PCDHGB1: variants seen among roughly 807,000 people sequenced by gnomAD.
PCDHGB1 encodes protocadherin gamma subfamily B, 1.
PCDHGB1 carries 34 observed loss-of-function variants against 56.6 expected under a neutral mutation model. That is an observed-to-expected ratio of 0.60 (90% CI 0.46 to 0.80). PCDHGB1 has a LOEUF of 0.80. Among genes scored for constraint, PCDHGB1 ranks in the 30% least tolerant of loss-of-function variants. The pLI, the probability that PCDHGB1 is intolerant of heterozygous loss-of-function variation, is 0.00. For missense variants in PCDHGB1, 1,278 were observed against 1,204.6 expected (o/e 1.06, Z -0.90); for synonymous variants, 561 against 505.9 (o/e 1.11, Z -1.46).
chr5:141,465,881 G>T (rs1000308014), intron 1 of PCDHGB1, among the ~76,000 whole-genome samples: 1 of 151,960 alleles, frequency 6.6e-6, no homozygotes, highest in African/African-American at 2.4e-5. Flanking sequence ...CCAGCACTTT[G>T]GGAGGCCGAG....
intron 1 of PCDHGB1, chr5:141,411,313 T>C (rs970801897): frequency 6.6e-5 from 10 of 152,224 alleles, no homozygotes; most frequent in African/African-American, 2.4e-4. Context: ...CTCACACCTA[T>C]AATCACAGCA....
intron 1 of PCDHGB1, chr5:141,398,072 G>T: frequency 1.9e-6 from 3 of 1,588,646 alleles, no homozygotes; most frequent in Non-Finnish European, 2.6e-6. Context: ...CAATACAGAG[G>T]TTATTTGTAA....
intron 1 of PCDHGB1, chr5:141,374,740 C>A (rs1337639511): frequency 6.2e-7 from 1 of 1,611,592 alleles, no homozygotes; most frequent in Admixed American, 1.7e-5. Context: ...ATGGCGGCGA[C>A]CCTGTCCGCT....
intron 1 of PCDHGB1, chr5:141,418,454 ACTCTG>A (rs2096260396): frequency 3.1e-6 from 5 of 1,613,892 alleles, no homozygotes; most frequent in Non-Finnish European, 4.2e-6. Context: ...ATTGCAGAAG[ACTCTG>A]GACCGAGAAA....
At chr5:141,475,884 G>C (rs998700290) in intron 1 of PCDHGB1, 1 of 557,810 alleles carries the variant, frequency 1.8e-6, no homozygotes, top group Non-Finnish European at 3.2e-6. Flanking sequence ...TATTGGCTGG[G>C]ACTCTGTGTG....
chr5:141,362,634 T>G, intron 1 of PCDHGB1: 1 of 1,484,528 alleles, frequency 6.7e-7, no homozygotes, highest in East Asian at 2.4e-5. Context: ...ACTGCGTATT[T>G]CTTTGTCTGT....
At chr5:141,389,806 T>C in intron 1 of PCDHGB1, 3 of 1,613,810 alleles carry the variant, frequency 1.9e-6, no homozygotes, top group Non-Finnish European at 2.5e-6. Flanking sequence ...CAGCGCCTTC[T>C]GGTCGCCGTG....
intron 1 of PCDHGB1, chr5:141,410,094 C>G: frequency 6.2e-7 from 1 of 1,612,646 alleles, no homozygotes; most frequent in Non-Finnish European, 8.5e-7. Context: ...ACGGCTCGAG[C>G]CTTAGGCGAC....
In PCDHGB1 at chr5:141,511,502, A is replaced by G. The variant is rs953158220; in HGVS notation, c.*329A>G. ...CTGAACTCCTCCATCTTCCAAATCAATCAGGCCCATCCATCCCATGCCTCC... is the reference window on the plus strand; with the variant it reads ...CTGAACTCCTCCATCTTCCAAATCAGTCAGGCCCATCCATCCCATGCCTCC... On this transcript the variant is annotated 3_prime_UTR_variant, in exon 4 of 4. Transcript: ENST00000523390. The G allele has an allele frequency of 1.3e-5, 5 of 395,150 alleles. No homozygotes were observed. Among genetic ancestry groups the G allele is most frequent in the African/African-American group, 1.0e-4 (5 of 48,770 alleles). The allele number at this position is 395,150 out of a possible 1,614,324, so 24.5% of individuals were successfully genotyped here.
rs1485681008 is a variant in PCDHGB1, at chr5:141,351,553, G to C, written c.1293G>C (p.Arg431Ser). Residue 431 changes from arginine to serine, a missense_variant, in exon 1 of 4, where the codon AGG becomes AGC. Transcript: ENST00000523390. ...AGGGCAAACCAGCCCTTTCCTCCAG[G>C]ACAAGCATCACCCTGCACATCTCCG... Reference protein sequence around the residue: ...TDKGKPALSSRTSITLHISDI... With the variant: ...TDKGKPALSSSTSITLHISDI... 6.2e-7 allele frequency: 1 copy of C among 1,613,972 alleles called. No individual in the cohort carries two copies. Among genetic ancestry groups the C allele is most frequent in the Non-Finnish European group, 8.5e-7 (1 of 1,179,882 alleles).
At chr5:141,374,857 C>T in intron 1 of PCDHGB1, 1 of 1,613,768 alleles carries the variant, frequency 6.2e-7, no homozygotes, top group East Asian at 2.2e-5. Context: ...TGCCAGTAGG[C>T]ACACCAGTGT....
chr5:141,362,291 C>A, intron 1 of PCDHGB1: 1 of 1,614,076 alleles, frequency 6.2e-7, no homozygotes, highest in Non-Finnish European at 8.5e-7. Flanking sequence ...CGACTCTCTT[C>A]CAGGTCAGAT....
intron 1 of PCDHGB1, chr5:141,413,487 G>A (rs1190400492): frequency 1.9e-6 from 3 of 1,613,928 alleles, no homozygotes; most frequent in African/African-American, 2.7e-5. Context: ...CTCAGAGCGC[G>A]CGGTGCGTGG....
chr5:141,489,284 T>A lies in PCDHGB1; in HGVS notation c.2410-5523T>A. On this transcript the variant is annotated intron_variant, in intron 1 of 3. Transcript: ENST00000523390. This position sits in a 1 kb window ranked among gnomAD's most constrained non-coding sequence, Gnocchi z 4.5. ...CCACAGCTCGCTGGGAAATGGCAAG[T>A]GCTGTGCATGTTGTCCTTGTGCTGC... The A allele has an allele frequency of 6.4e-7, 1 of 1,570,016 alleles. No homozygotes were observed. The highest frequency in any genetic ancestry group is 2.2e-5 in the East Asian group (1 of 44,588).
chr5:141,384,337 G>A (rs370533196), intron 1 of PCDHGB1: 1 of 1,613,832 alleles, frequency 6.2e-7, no homozygotes, highest in Non-Finnish European at 8.5e-7. Flanking sequence ...ACAGGACCAC[G>A]ACAGTGAGGA....
chr5:141,373,498 G>A (rs1282997273), intron 1 of PCDHGB1, among the ~76,000 whole-genome samples: 2 of 152,206 alleles, frequency 1.3e-5, no homozygotes, highest in Non-Finnish European at 2.9e-5. Flanking sequence ...ACTCTAGCCT[G>A]GGAGACAGAG....
At chr5:141,395,485 T>C (rs2093239128) in intron 1 of PCDHGB1, 2 of 522,170 alleles carry the variant, frequency 3.8e-6, no homozygotes, top group Non-Finnish European at 6.6e-6. Context: ...TTATTCCTAT[T>C]ATCACTCATT....
chr5:141,461,371 G>C (rs755281402), intron 1 of PCDHGB1, among the ~76,000 whole-genome samples: 1 of 152,084 alleles, frequency 6.6e-6, no homozygotes, highest in Non-Finnish European at 1.5e-5. Context: ...GTTTTAATTT[G>C]CATTTTCCTG....
intron 1 of PCDHGB1, chr5:141,383,068 C>T (rs376511249): frequency 6.2e-7 from 1 of 1,613,846 alleles, no homozygotes; most frequent in African/African-American, 1.3e-5. Flanking sequence ...GCTGGAGCCC[C>T]GGGAGCTGGC....
Sources: gnomAD v4.1 joint callset for allele counts (sites outside exome capture counted in the v4.1 genomes callset) on GRCh38, gnomAD v4.1.1 for gene constraint, Gnocchi (gnomAD v3.1) non-coding constraint, MANE v1.5 for transcripts, NCBI Gene and HGNC (gene_info 2026-07-23, HGNC 2026-07-21) for gene names.